EPG5: variants seen among roughly 807,000 people sequenced by gnomAD.
EPG5 encodes ectopic P granules protein 5 homolog.
EPG5 carries 159 observed loss-of-function variants against 302.7 expected under a neutral mutation model. That is an observed-to-expected ratio of 0.53 (90% CI 0.46 to 0.60). EPG5 has a LOEUF of 0.60. Ranked by LOEUF, EPG5 falls within the 20% of genes least tolerant of loss-of-function variation. EPG5 has a pLI of 0.00. For synonymous variants in EPG5, 1,158 were observed against 1,136.8 expected, an observed-to-expected ratio of 1.02 and a Z score of -0.37; for missense variants, 2,896 against 3,092.4, an observed-to-expected ratio of 0.94 and a Z score of 1.51.
chr18:45,842,313 C>T, the EPG5 span: 30 of 979,264 alleles, frequency 3.1e-5, no homozygotes, highest in Non-Finnish European at 4.1e-5. Flanking sequence ...TGGCTCCTCC[C>T]CTGCTCAAGG....
intron 43 of EPG5, among the ~76,000 whole-genome samples, chr18:45,854,469 G>A (rs1021938411): frequency 3.9e-5 from 6 of 152,302 alleles, no homozygotes; most frequent in African/African-American, 1.4e-4. Flanking sequence ...TGGCCAGTGC[G>A]ACTTCCAGCC....
At chr18:45,886,643 T>C (rs886518394) in intron 29 of EPG5, among the ~76,000 whole-genome samples, 4 of 152,222 alleles carry the variant, frequency 2.6e-5, no homozygotes, top group African/African-American at 9.6e-5. Context: ...CTGTCTGCAT[T>C]GCTTATAATA....
At chr18:45,951,852 T>C (rs922973763) in intron 3 of EPG5, among the ~76,000 whole-genome samples, 5 of 152,184 alleles carry the variant, frequency 3.3e-5, no homozygotes, top group Non-Finnish European at 5.9e-5. Context: ...GGAATTTTAC[T>C]TTAAAGTACC....
chr18:45,909,281 G>T (rs1370596528), intron 23 of EPG5, among the ~76,000 whole-genome samples: 1 of 152,132 alleles, frequency 6.6e-6, no homozygotes, highest in African/African-American at 2.4e-5. Flanking sequence ...TACCAGGAGG[G>T]GGATATAACA....
At position 45,858,516 on chromosome 18, in the gene EPG5, A is replaced by G. The variant is rs957554395; in HGVS notation, c.7226+50T>C. Reference sequence around the variant, plus strand: ...AGCTAGACTTAAGCTCTAAATTCCAAGTTAACCAAATACAGCAAGTTTGAT... The same window carrying G: ...AGCTAGACTTAAGCTCTAAATTCCAGGTTAACCAAATACAGCAAGTTTGAT... On this transcript the variant is annotated intron_variant, in intron 41 of 43. Transcript: ENST00000282041. The G allele has an allele frequency of 7.6e-6, 11 of 1,443,650 alleles. No homozygotes were observed. The African/African-American group carries it at 1.4e-4, about 18-fold the overall frequency. 89.4% of individuals were successfully genotyped at this position (1,443,650 alleles called of 1,614,324 possible).
intron 36 of EPG5, among the ~76,000 whole-genome samples, chr18:45,869,069 A>AT (rs1599451955): frequency 6.6e-6 from 1 of 151,922 alleles, no homozygotes; most frequent in Non-Finnish European, 1.5e-5. Context: ...AAAAAAAAAA[A>AT]ATTAGAGAAT....
chr18:45,901,396 C>T (rs1444828432), intron 25 of EPG5, among the ~76,000 whole-genome samples: 5 of 151,584 alleles, frequency 3.3e-5, no homozygotes, highest in East Asian at 3.9e-4. Flanking sequence ...GTGCCTTACG[C>T]TAATATCACG....
Position 45,923,302 on chromosome 18 carries a change from G to T in EPG5, c.2804C>A (p.Pro935Gln). The change falls in exon 15 of 44, where the codon CCA becomes CAA. Residue 935 changes from proline (P) to glutamine (Q), a missense_variant. Around this residue, in one of 5 missense-constraint regions of EPG5, gnomAD observed 1,390 missense variants for 1,430.0 expected, o/e 0.97. Coordinates refer to ENST00000282041, the MANE Select transcript of EPG5 (RefSeq NM_020964.3). ...ACTTTCAGAGAGAATCCCAGCATAT[G>T]GCTTCTGTGCAAGGTACTTCTGATA... Reference protein sequence around the residue: ...EAYQKYLAQKPYAGILSESMK... With the variant: ...EAYQKYLAQKQYAGILSESMK... 1 of 1,613,950 alleles carries T rather than the reference G, an allele frequency of 6.2e-7. No homozygotes were observed. The highest frequency in any genetic ancestry group is 1.1e-5 in the South Asian group (1 of 91,068).
At chr18:45,913,993 G>A (rs1185240492) in intron 20 of EPG5, among the ~76,000 whole-genome samples, 165 bp from the exon 21 acceptor site, 3 of 152,050 alleles carry the variant, frequency 2.0e-5, no homozygotes, top group Non-Finnish European at 4.4e-5. Context: ...TATCCTTGTC[G>A]CAGATATAAA....
intron 41 of EPG5, 52 bp from the exon 42 acceptor site, chr18:45,858,120 C>G (rs577787353): frequency 1.5e-6 from 2 of 1,366,090 alleles, no homozygotes; most frequent in Admixed American, 1.8e-5. Flanking sequence ...TTTCCCACTC[C>G]CATTTAACTG....
Position 45,889,751 on chromosome 18 carries a change from CATG to C in EPG5, c.4952+44_4952+46del. 6 of 1,554,866 alleles carry C rather than the reference CATG, an allele frequency of 3.9e-6. No individual in the cohort carries two copies. The South Asian group carries it at 7.1e-5, about 18-fold the overall frequency. On this transcript the variant is annotated intron_variant, in intron 28 of 43. Coordinates refer to ENST00000282041, the MANE Select transcript of EPG5 (RefSeq NM_020964.3). ...TATAGTAGCATGTATGATTACTATT[CATG>C]ATAACAAAACAGTATTTCAAATTAT...
intron 43 of EPG5, among the ~76,000 whole-genome samples, chr18:45,853,519 C>A (rs1030381038): frequency 2.0e-5 from 3 of 152,220 alleles, no homozygotes; most frequent in Non-Finnish European, 4.4e-5. Flanking sequence ...AGGATTCTGA[C>A]GGTGTTCCCC....
At position 45,949,546 on chromosome 18, in the gene EPG5, G is replaced by A. The variant is rs200364337; in HGVS notation, c.1435C>T (p.Leu479Phe). Residue 479 changes from leucine (L) to phenylalanine (F), a missense_variant, in exon 5 of 44, where the codon CTT (leucine) becomes TTT (phenylalanine). By Grantham distance (22) the Leu-to-Phe change is conservative (BLOSUM62 0). Around this residue, in one of 5 missense-constraint regions of EPG5, gnomAD observed 1,390 missense variants for 1,430.0 expected, o/e 0.97. Transcript: ENST00000282041. The part of the protein sequence containing the change: ...RVGCPGDHLF[L>F]LNHILRCPAG... Reference sequence around the variant, plus strand: ...GGGCATCGAAGAATATGGTTTAGAAGGAAGAGGTGATCTCCAGGACAGCCA... The same window carrying A: ...GGGCATCGAAGAATATGGTTTAGAAAGAAGAGGTGATCTCCAGGACAGCCA... 130 of 1,613,188 alleles carry A rather than the reference G, an allele frequency of 8.1e-5. No homozygotes were observed. The African/African-American group carries it at 1.5e-3, about 19-fold the overall frequency.
chr18:45,933,687 G>T, intron 11 of EPG5, among the ~76,000 whole-genome samples: 1 of 151,238 alleles, frequency 6.6e-6, no homozygotes, highest in Non-Finnish European at 1.5e-5. Context: ...AAAAAGAAAT[G>T]GAAATAAAAA....
At chr18:45,888,670 C>T (rs2049270090) in intron 28 of EPG5, among the ~76,000 whole-genome samples, 1 of 152,062 alleles carries the variant, frequency 6.6e-6, no homozygotes, top group African/African-American at 2.4e-5. Context: ...AAACTCCTGA[C>T]CTCAAGTGAT....
intron 11 of EPG5, 21 bp downstream of exon 11, chr18:45,934,788 G>A (rs372392867): frequency 2.5e-5 from 39 of 1,585,514 alleles, no homozygotes; most frequent in African/African-American, 1.4e-4. Context: ...GCTGGACGCC[G>A]ACTGCTCGGC....
chr18:45,838,990 G>C, the EPG5 span: 1 of 1,598,280 alleles, frequency 6.3e-7, no homozygotes, highest in Non-Finnish European at 8.5e-7. Flanking sequence ...CCGCTTCCAT[G>C]GCGCCAGCGG....
Position 45,850,277 on chromosome 18 carries a change from TC to T in EPG5, c.*2189del, listed in dbSNP as rs2048408663. The T allele has an allele frequency of 6.6e-6, 1 of 152,308 alleles. No homozygotes were observed. Among genetic ancestry groups the T allele is most frequent in the Non-Finnish European group, 1.5e-5 (1 of 68,120 alleles). The allele number at this position is 152,308 out of a possible 1,614,324, so 9.4% of individuals were successfully genotyped here. On this transcript the variant is annotated 3_prime_UTR_variant, in exon 44 of 44. Transcript: ENST00000282041. Reference sequence around the variant, plus strand: ...ATTCTGAAACCACAGCCCCGTGCTCTCTGGAGGCCAACAATTTTTTCAAGCC... The same window carrying T: ...ATTCTGAAACCACAGCCCCGTGCTCTTGGAGGCCAACAATTTTTTCAAGCC...
chr18:45,928,170 G>C (rs2050318766), intron 13 of EPG5, among the ~76,000 whole-genome samples: 1 of 151,304 alleles, frequency 6.6e-6, no homozygotes, highest in Admixed American at 6.6e-5. Flanking sequence ...CCGAGATTGA[G>C]CCACTGCACT....
Sources: gnomAD v4.1 joint callset for allele counts (sites outside exome capture counted in the v4.1 genomes callset) on GRCh38, gnomAD v4.1.1 for gene constraint, gnomAD v4.1.1 regional missense constraint, MANE v1.5 for transcripts, NCBI Gene and HGNC (gene_info 2026-07-23, HGNC 2026-07-21) for gene names.